Variants in JAKMIP3 observed in about 807,000 individuals in gnomAD.
JAKMIP3 encodes Janus kinase and microtubule interacting protein 3.
JAKMIP3 carries 58 observed loss-of-function variants against 118.5 expected under a neutral mutation model. The observed-to-expected ratio is 0.49, with a 90% confidence interval of 0.40 to 0.61. JAKMIP3 has a LOEUF of 0.61. JAKMIP3 is among the 20% of genes least tolerant of loss of function. JAKMIP3 has a pLI of 0.00. For missense variants in JAKMIP3, 950 were observed against 1,109.0 expected, an observed-to-expected ratio of 0.86 and a Z score of 2.04; for synonymous variants, 486 against 451.2, an observed-to-expected ratio of 1.08 and a Z score of -0.98.
chr10:132,092,955 T>C (rs1313441864), intron 1 of JAKMIP3, among the ~76,000 whole-genome samples: 3 of 152,236 alleles, frequency 2.0e-5, no homozygotes, highest in African/African-American at 7.2e-5. Flanking sequence ...TTGGTGTGGA[T>C]GTCCTTTCTG....
rs986243326 is a variant in JAKMIP3, at chr10:132,117,718, A to C, written c.633+144A>C. 31 of 1,035,814 alleles carry C rather than the reference A, an allele frequency of 3.0e-5. No homozygotes were observed. The Admixed American group carries it at 5.9e-4, about 20-fold the overall frequency. 64.2% of individuals were successfully genotyped at this position (1,035,814 alleles called of 1,614,324 possible). ...CGGCTTCACCCCCCATGACATTCTT[A>C]GCACAGGCTCCTCATGCCACCCCTG... On this transcript the variant is annotated intron_variant, in intron 3 of 23. Coordinates refer to ENST00000684848, the MANE Select transcript of JAKMIP3 (RefSeq NM_001323087.2). The surrounding 1 kb of genome is among the most constrained non-coding windows in gnomAD (Gnocchi z 8.6).
chr10:132,141,974 C>T lies in JAKMIP3; in HGVS notation c.1528C>T (p.Gln510Ter). The T allele has an allele frequency of 6.2e-7, 1 of 1,600,814 alleles. No homozygotes were observed. Among genetic ancestry groups the T allele is most frequent in the Non-Finnish European group, 8.5e-7 (1 of 1,174,048 alleles). ...GTTCCGGCAGCTGACCATGGAGTAC[C>T]AGGCCCTGCAGCGTGCCTACGCTTT... is the stretch of plus-strand genomic sequence containing the variant. Reference protein sequence around the residue: ...LRFRQLTMEYQALQRAYALLQ... With the variant: ...LRFRQLTMEY Residue 510 changes from glutamine to a stop codon, truncating the protein, a stop_gained, in exon 11 of 24, where the codon CAG (glutamine) becomes TAG (stop). Coordinates refer to ENST00000684848, the MANE Select transcript of JAKMIP3 (RefSeq NM_001323087.2). LOFTEE classifies it high-confidence loss of function.
chr10:132,045,812 C>T (rs1178098461), intron 1 of JAKMIP3, among the ~76,000 whole-genome samples: 2 of 151,552 alleles, frequency 1.3e-5, no homozygotes, highest in Non-Finnish European at 2.9e-5. Flanking sequence ...CACATACCTG[C>T]AGTCCCAGCT....
rs948123973 is a variant in JAKMIP3, at chr10:132,051,210, C to T, written c.-138+14472C>T. ...GGGTACCTGCCTGTCTTTCCTGGCACGGTTGGTCTTGTTAATTCCAGCCGT... is the reference window on the plus strand; with the variant it reads ...GGGTACCTGCCTGTCTTTCCTGGCATGGTTGGTCTTGTTAATTCCAGCCGT... On this transcript the variant is annotated intron_variant, in intron 1 of 23. Coordinates refer to the JAKMIP3 transcript ENST00000657785. Among the ~76,000 whole-genome samples, 1,191 of 128,308 alleles carry T rather than the reference C, an allele frequency of 9.3e-3. 35 individuals are homozygous for T. The highest frequency in any genetic ancestry group is 0.033 in the Admixed American group (399 of 12,062). 84.2% of individuals were successfully genotyped at this position (128,308 alleles called of 152,430 possible).
At chr10:132,159,843 C>T (rs1429294447) in intron 19 of JAKMIP3, among the ~76,000 whole-genome samples, 2 of 64,180 alleles carry the variant, frequency 3.1e-5, no homozygotes, top group Non-Finnish European at 2.6e-5. Flanking sequence ...CTGTGTGATG[C>T]TGGGGGGCCT....
chr10:132,148,182 G>A, intron 14 of JAKMIP3, 132 bp downstream of exon 14: 1 of 580,556 alleles, frequency 1.7e-6, no homozygotes, highest in Non-Finnish European at 3.0e-6. Context: ...GCGTCAGGGA[G>A]GAAAGAGGCA....
At chr10:132,181,126 G>A (rs560790050) in intron 23 of JAKMIP3, 9 of 152,432 alleles carry the variant, frequency 5.9e-5, no homozygotes, top group African/African-American at 2.2e-4. Flanking sequence ...GGGGCAGAAA[G>A]TCTCCTGTTC....
In JAKMIP3 at chr10:132,180,756, T is replaced by TGC. The variant is rs1184424787; in HGVS notation, c.*1104-1600_*1104-1599insCG. Among the ~76,000 whole-genome samples, 12 of 31,080 alleles carry TGC rather than the reference T, an allele frequency of 3.9e-4. 2 individuals are homozygous for TGC. The highest frequency in any genetic ancestry group is 1.2e-3 in the South Asian group (1 of 864). The allele number at this position is 31,080 out of a possible 152,430, so 20.4% of individuals were successfully genotyped here. A position where few individuals can be genotyped will look rare whatever the true frequency, so the allele number is the denominator to read the frequency against. On this transcript the variant is annotated intron_variant, in intron 23 of 23. Transcript: ENST00000684848. ...GTGTGTGCGTGCGTGCGCGCGCGTGTGTGCGTGTGTGTGCGTGTGTGTGTG... is the reference window on the plus strand; with the variant it reads ...GTGTGTGCGTGCGTGCGCGCGCGTGTGCGTGCGTGTGTGTGCGTGTGTGTGTG...
At chr10:132,177,007 T>C (rs1304532260) in intron 23 of JAKMIP3, among the ~76,000 whole-genome samples, 4 of 152,162 alleles carry the variant, frequency 2.6e-5, no homozygotes, top group African/African-American at 9.7e-5. Context: ...GCGAAGGTGT[T>C]TCTCAAATGT....
intron 12 of JAKMIP3, 74 bp downstream of exon 12, chr10:132,145,264 G>C: frequency 1.6e-6 from 2 of 1,236,668 alleles, no homozygotes; most frequent in East Asian, 5.0e-5. Flanking sequence ...CTAAAGACAA[G>C]CTTCAGTGGT....
upstream of JAKMIP3, among the ~76,000 whole-genome samples, chr10:132,060,762 G>A (rs1401915346): frequency 6.6e-6 from 1 of 152,234 alleles, no homozygotes; most frequent in Non-Finnish European, 1.5e-5. Flanking sequence ...GCTCACGCCT[G>A]TAATCCCAGC....
In JAKMIP3 at chr10:132,049,038, C is replaced by G. The variant is rs79470509; in HGVS notation, c.-138+12300C>G. On this transcript the variant is annotated intron_variant, in intron 1 of 23. Transcript: ENST00000657785. The surrounding 1 kb of genome is among the most constrained non-coding windows in gnomAD (Gnocchi z 4.3). ...GCCACATTGTTTCTTTACTTCTCTG[C>G]ATGTCCTGAAAGCCTGCTGCTGGTC... Among the ~76,000 whole-genome samples, 93,144 of 151,580 alleles carry G rather than the reference C, an allele frequency of 0.61. 29,006 individuals are homozygous for G. Among genetic ancestry groups the G allele is most frequent in the East Asian group, 0.81 (4,167 of 5,166 alleles).
intron 3 of JAKMIP3, among the ~76,000 whole-genome samples, chr10:132,124,182 T>C (rs2135490143): frequency 6.6e-6 from 1 of 152,336 alleles, no homozygotes; most frequent in African/African-American, 2.4e-5. Context: ...CCCAGCAGGA[T>C]TGCCCCTCCC....
At chr10:132,071,160 AGT>A (rs3068079) in intron 1 of JAKMIP3, among the ~76,000 whole-genome samples, 10,951 of 149,070 alleles carry the variant, frequency 0.073, 573 homozygotes, top group East Asian at 0.23. Flanking sequence ...GTCATTTAAA[AGT>A]GTGTGTGTGT....
intron 1 of JAKMIP3, among the ~76,000 whole-genome samples, chr10:132,104,123 T>A (rs1288233183): frequency 6.7e-6 from 1 of 149,882 alleles, no homozygotes; most frequent in Non-Finnish European, 1.5e-5. Flanking sequence ...TAGCCACTCA[T>A]CCATCGATGG....
intron 2 of JAKMIP3, among the ~76,000 whole-genome samples, chr10:132,105,824 C>T (rs2045814161): frequency 6.6e-6 from 1 of 152,190 alleles, no homozygotes; most frequent in African/African-American, 2.4e-5. Flanking sequence ...ATGGTGTCCC[C>T]ACTCCAGGCC....
chr10:132,093,724 G>A (rs958056183), intron 1 of JAKMIP3, among the ~76,000 whole-genome samples: 27 of 151,252 alleles, frequency 1.8e-4, no homozygotes, highest in Non-Finnish European at 2.2e-4. Context: ...GCTCACGTTC[G>A]GTGGGCTGCA....
intron 3 of JAKMIP3, among the ~76,000 whole-genome samples, chr10:132,132,287 CTGT>C (rs1272921821): frequency 6.6e-6 from 1 of 152,082 alleles, no homozygotes; most frequent in East Asian, 1.9e-4. Flanking sequence ...CCATTCTGCT[CTGT>C]TGTTTGAAAA....
At chr10:132,040,231 G>A (rs1395179457) in intron 1 of JAKMIP3, among the ~76,000 whole-genome samples, 1 of 152,222 alleles carries the variant, frequency 6.6e-6, no homozygotes, top group African/African-American at 2.4e-5. Context: ...TCTCCACAGG[G>A]CACAGAGGCA....
Sources: allele counts gnomAD v4.1 joint callset (sites outside exome capture counted in the v4.1 genomes callset), GRCh38; gene constraint gnomAD v4.1.1; non-coding constraint Gnocchi (gnomAD v3.1); transcripts MANE v1.5; gene names NCBI Gene and HGNC (gene_info 2026-07-23, HGNC 2026-07-21).